The following TIGAR variants were observed in gnomAD, a reference collection of about 807,000 sequenced individuals.
TIGAR encodes fructose-2,6-bisphosphatase TIGAR.
TIGAR carries 7 observed loss-of-function variants against 17.9 expected under a neutral mutation model. The observed-to-expected ratio is 0.39, with a 90% CI of 0.22 to 0.73. The LOEUF is 0.73. Ranked by LOEUF, TIGAR falls within the 30% of genes least tolerant of loss-of-function variation. The pLI is 0.42. For synonymous variants in TIGAR, 94 were observed against 108.6 expected, an observed-to-expected ratio of 0.87 and a Z score of 0.84; for missense variants, 258 against 327.4, an observed-to-expected ratio of 0.79 and a Z score of 1.64.
chr12:4,345,051 G>A (rs1315178925), intron 3 of TIGAR, among the ~76,000 whole-genome samples: 2 of 152,118 alleles, frequency 1.3e-5, no homozygotes, highest in Admixed American at 1.3e-4. Flanking sequence ...CAACTTACAA[G>A]GGATATGAAG....
In TIGAR at chr12:4,352,917, A is replaced by G; in HGVS notation, c.*226A>G. 2.0e-6 allele frequency: 1 copy of G among 503,886 alleles called. No homozygotes were observed. Among genetic ancestry groups the G allele is most frequent in the Non-Finnish European group, 3.5e-6 (1 of 285,350 alleles). The allele number at this position is 503,886 out of a possible 1,614,324, so 31.2% of individuals were successfully genotyped here. ...TCCAGAATAATTTTACCACCCTGCT[A>G]GATGTCATCTCTGGATTGCACATGG... is the stretch of plus-strand genomic sequence containing the variant. On this transcript the variant is annotated 3_prime_UTR_variant, in exon 6 of 6. Coordinates refer to ENST00000179259, the MANE Select transcript of TIGAR (RefSeq NM_020375.3).
rs889241551 is a variant in TIGAR, at chr12:4,355,327, C to G, written c.*2636C>G. 2.6e-5 allele frequency among the ~76,000 whole-genome samples: 4 copies of G among 152,036 alleles called. No homozygotes were observed. The highest frequency in any genetic ancestry group is 5.9e-5 in the Non-Finnish European group (4 of 68,016). On this transcript the variant is annotated 3_prime_UTR_variant, in exon 6 of 6. Coordinates refer to ENST00000179259, the MANE Select transcript of TIGAR (RefSeq NM_020375.3). ...TGGTTTGTGGTGTGTGCTCTCAGGC[C>G]TCACACCCCCTCATTTGCTAGAGTC...
Position 4,356,781 on chromosome 12 carries a change from C to T in TIGAR, c.*4090C>T, listed in dbSNP as rs1366923542. Among the ~76,000 whole-genome samples the T allele has an allele frequency of 1.3e-5, 2 of 152,168 alleles. No individual in the cohort carries two copies. Among genetic ancestry groups the T allele is most frequent in the African/African-American group, 4.8e-5 (2 of 41,448 alleles). On this transcript the variant is annotated 3_prime_UTR_variant, in exon 6 of 6. Coordinates refer to ENST00000179259, the MANE Select transcript of TIGAR (RefSeq NM_020375.3). Reference sequence around the variant, plus strand: ...CTTGCCTGTTTCTGTTAGGTTTAGTCCGAGGCCTAGCAGAGGGAATGGGCA... The same window carrying T: ...CTTGCCTGTTTCTGTTAGGTTTAGTTCGAGGCCTAGCAGAGGGAATGGGCA...
At position 4,346,636 on chromosome 12, in the gene TIGAR, A is replaced by T. The variant is rs570619060; in HGVS notation, c.193-3183A>T. ...GGGGGGACGGGGGAGGGATAGCATTAGTAGATATACCTAATGTAAATGGCG... is the reference window on the plus strand; with the variant it reads ...GGGGGGACGGGGGAGGGATAGCATTTGTAGATATACCTAATGTAAATGGCG... On this transcript the variant is annotated intron_variant, in intron 3 of 5. Coordinates refer to ENST00000179259, the MANE Select transcript of TIGAR (RefSeq NM_020375.3). 1.2e-4 allele frequency among the ~76,000 whole-genome samples: 19 copies of T among 152,280 alleles called. No homozygotes were observed. The South Asian group carries it at 3.1e-3, about 25-fold the overall frequency.
At position 4,351,381 on chromosome 12, in the gene TIGAR, T is replaced by C. The variant is rs1591666234; in HGVS notation, c.381+4T>C. On this transcript the variant is annotated splice_donor_region_variant and intron_variant, in intron 5 of 5. Coordinates refer to ENST00000179259, the MANE Select transcript of TIGAR (RefSeq NM_020375.3). ...CGGAGGAGAGACGCTGGACCAGGTA[T>C]GTGGCGCTGCCGATGTCAGAATGGT... 6.2e-7 allele frequency: 1 copy of C among 1,611,948 alleles called. No individual in the cohort carries two copies. The highest frequency in any genetic ancestry group is 8.5e-7 in the Non-Finnish European group (1 of 1,178,170).
Position 4,321,482 on chromosome 12 carries a change from T to C in TIGAR, c.32+179T>C, listed in dbSNP as rs550118958. 2.7e-4 allele frequency among the ~76,000 whole-genome samples: 41 copies of C among 152,222 alleles called. No homozygotes were observed. The highest frequency in any genetic ancestry group is 9.9e-4 in the African/African-American group (41 of 41,552). On this transcript the variant is annotated intron_variant, in intron 1 of 5. Coordinates refer to ENST00000179259, the MANE Select transcript of TIGAR (RefSeq NM_020375.3). This position sits in a 1 kb window ranked among gnomAD's most constrained non-coding sequence, Gnocchi z 5.2. ...TGGGGCCGTCCCGTGTCGCCCCTCC[T>C]CTCACCCCAGCAGCCCCGAGGGACG...
intron 3 of TIGAR, among the ~76,000 whole-genome samples, chr12:4,339,848 C>G (rs1864700575): frequency 6.6e-6 from 1 of 152,092 alleles, no homozygotes; most frequent in Admixed American, 6.5e-5. Context: ...ATCTAACATC[C>G]CTTCATGATG....
chr12:4,329,483 C>T lies in TIGAR; in HGVS notation c.33-1797C>T, dbSNP rs149984785. On this transcript the variant is annotated intron_variant, in intron 1 of 5. Transcript: ENST00000179259. ...TCTCCCGAGTAGCTGGGATTACAGA[C>T]GCCCGCCACCACGCATGGCTAAATT... is the stretch of plus-strand genomic sequence containing the variant. Among the ~76,000 whole-genome samples the T allele has an allele frequency of 1.6e-4, 25 of 151,834 alleles. No individual in the cohort carries two copies. The East Asian group carries it at 2.5e-3, about 15-fold the overall frequency.
intron 1 of TIGAR, among the ~76,000 whole-genome samples, chr12:4,322,809 C>T (rs1864494898): frequency 6.6e-6 from 1 of 151,962 alleles, no homozygotes; most frequent in Non-Finnish European, 1.5e-5. Context: ...ATCTCTTCTC[C>T]CACCCCTCTC....
At chr12:4,324,686 G>T (rs1216719576) in intron 1 of TIGAR, 3 of 971,912 alleles carry the variant, frequency 3.1e-6, no homozygotes, top group African/African-American at 3.2e-5. Context: ...ACTTGCGGCC[G>T]CTGGCACGCA....
Position 4,357,851 on chromosome 12 carries a change from C to T in TIGAR, c.*5160C>T, listed in dbSNP as rs1044513020. ...GGGCGTGGTGGCTCGCACCTGTAAT[C>T]CCAGCACTTTGGGAGGCCAAGGCGG... is the stretch of plus-strand genomic sequence containing the variant. On this transcript the variant is annotated 3_prime_UTR_variant, in exon 6 of 6. Transcript: ENST00000179259. Among the ~76,000 whole-genome samples the T allele has an allele frequency of 1.3e-5, 2 of 152,180 alleles. No individual in the cohort carries two copies. The highest frequency in any genetic ancestry group is 2.9e-5 in the Non-Finnish European group (2 of 68,040).
intron 1 of TIGAR, among the ~76,000 whole-genome samples, chr12:4,323,429 G>C (rs978292491): frequency 5.9e-5 from 9 of 152,104 alleles, no homozygotes; most frequent in Non-Finnish European, 1.3e-4. Flanking sequence ...GTTTGATTCC[G>C]GAGGCCCTCA....
chr12:4,338,387 T>C (rs1349869408), intron 3 of TIGAR, among the ~76,000 whole-genome samples: 1 of 152,146 alleles, frequency 6.6e-6, no homozygotes, highest in East Asian at 1.9e-4. Context: ...GCTGAAGCAA[T>C]TTCCAGACTC....
At chr12:4,351,484 A>G in intron 5 of TIGAR, 107 bp downstream of exon 5, 1 of 781,570 alleles carries the variant, frequency 1.3e-6, no homozygotes, top group Non-Finnish European at 2.1e-6. Context: ...TCTCTTTTCC[A>G]TTTTAAATTA....
chr12:4,345,459 TCTACAA>T (rs1864769481), intron 3 of TIGAR, among the ~76,000 whole-genome samples: 1 of 151,964 alleles, frequency 6.6e-6, no homozygotes. Flanking sequence ...ATACCACACA[TCTACAA>T]CTATCTGAAC....
Position 4,324,616 on chromosome 12 carries a change from T to A in TIGAR, c.32+3313T>A. The A allele has an allele frequency of 2.6e-6, 4 of 1,546,722 alleles. No homozygotes were observed. In the Admixed American group the frequency reaches 7.4e-5, roughly 29 times the overall value. Reference sequence around the variant, plus strand: ...CGGCTTCTCCATGGGCGGTGCCTCCTTCTTGGCCTTGCGCAGGCGCTTCAG... The same window carrying A: ...CGGCTTCTCCATGGGCGGTGCCTCCATCTTGGCCTTGCGCAGGCGCTTCAG... On this transcript the variant is annotated intron_variant, in intron 1 of 5. Coordinates refer to ENST00000179259, the MANE Select transcript of TIGAR (RefSeq NM_020375.3).
Position 4,354,177 on chromosome 12 carries a change from T to A in TIGAR, c.*1486T>A, listed in dbSNP as rs1025508329. On this transcript the variant is annotated 3_prime_UTR_variant, in exon 6 of 6. Transcript: ENST00000179259. ...TACTTTGACATCATTTTAAATCATA[T>A]GTAAAATTCAGTATTATATTGTTCT... The A allele has an allele frequency of 6.6e-6, 1 of 152,286 alleles. No homozygotes were observed. Among genetic ancestry groups the A allele is most frequent in the African/African-American group, 2.4e-5 (1 of 41,440 alleles). The allele number at this position is 152,286 out of a possible 1,614,324, so 9.4% of individuals were successfully genotyped here. A position where few individuals can be genotyped will look rare whatever the true frequency, so the allele number is the denominator to read the frequency against.
rs922405794 is a variant in TIGAR at position 4,354,000 on chromosome 12, G to A, written c.*1309G>A. On this transcript the variant is annotated 3_prime_UTR_variant, in exon 6 of 6. Coordinates refer to ENST00000179259, the MANE Select transcript of TIGAR (RefSeq NM_020375.3). ...TTAACTTAATTTTATACACAAGATT[G>A]GTCTTTCAGAAATCTTTATCTAAAT... is the stretch of plus-strand genomic sequence containing the variant. 1 of 152,496 alleles carries A rather than the reference G, an allele frequency of 6.6e-6. No individual in the cohort carries two copies. The highest frequency in any genetic ancestry group is 1.5e-5 in the Non-Finnish European group (1 of 67,994). The allele number at this position is 152,496 out of a possible 1,614,324, so 9.4% of individuals were successfully genotyped here. A position where few individuals can be genotyped will look rare whatever the true frequency, so the allele number is the denominator to read the frequency against.
Position 4,351,256 on chromosome 12 carries a change from G to C in TIGAR, c.271-11G>C. 1 of 1,610,834 alleles carries C rather than the reference G, an allele frequency of 6.2e-7. No homozygotes were observed. Among genetic ancestry groups the C allele is most frequent in the Non-Finnish European group, 8.5e-7 (1 of 1,177,274 alleles). On this transcript the variant is annotated splice_polypyrimidine_tract_variant and intron_variant, in intron 4 of 5. Transcript: ENST00000179259. ...TCATTTGAGAAACTGTTATCTATTG[G>C]ACTGTTTCAGAAATACGGGGTTGTA...
Sources: allele counts gnomAD v4.1 joint callset (sites outside exome capture counted in the v4.1 genomes callset), GRCh38; gene constraint gnomAD v4.1.1; non-coding constraint Gnocchi (gnomAD v3.1); transcripts MANE v1.5; gene names NCBI Gene and HGNC (gene_info 2026-07-23, HGNC 2026-07-21).